Variants in PDK1 observed in about 807,000 individuals in gnomAD.
The protein encoded by PDK1 is pyruvate dehydrogenase kinase 1, also known as [Pyruvate dehydrogenase (acetyl-transferring)] kinase isozyme 1, mitochondrial.
A neutral mutation model predicts 54.2 loss-of-function variants in PDK1; 39 were observed. That is an observed-to-expected ratio of 0.72 (90% CI 0.56 to 0.94). The LOEUF is 0.94. PDK1 is among the 40% of genes least tolerant of loss of function. The pLI is 0.00. For synonymous variants in PDK1, 221 were observed against 207.1 expected (o/e 1.07, Z -0.58); for missense variants, 552 against 566.0 (o/e 0.98, Z 0.25).
chr2:172,633,362 G>A, the PDK1 span, among the ~76,000 whole-genome samples: 1 of 125,872 alleles, frequency 7.9e-6, no homozygotes, highest in Admixed American at 8.3e-5. Context: ...TTGATGTTTT[G>A]TATTTGTTGA....
At chr2:172,615,925 A>G in the PDK1 span, among the ~76,000 whole-genome samples, 1 of 152,316 alleles carries the variant, frequency 6.6e-6, no homozygotes, top group African/African-American at 2.4e-5. Context: ...ACATTTAGGG[A>G]GTGCCTACAA....
At chr2:172,628,746 G>A in the PDK1 span, among the ~76,000 whole-genome samples, 1 of 152,012 alleles carries the variant, frequency 6.6e-6, no homozygotes, top group Non-Finnish European at 1.5e-5. Flanking sequence ...CTGTAACAGA[G>A]TATTCCATAG....
chr2:172,675,461 C>T, the PDK1 span, among the ~76,000 whole-genome samples: 2 of 152,276 alleles, frequency 1.3e-5, no homozygotes, highest in South Asian at 4.1e-4. Context: ...GTGAAGCATC[C>T]TTATTGCTGA....
chr2:172,712,236 C>T, the PDK1 span, among the ~76,000 whole-genome samples: 1 of 152,192 alleles, frequency 6.6e-6, no homozygotes, highest in African/African-American at 2.4e-5. Context: ...TTCTAACCTG[C>T]AATAGTTCAC....
chr2:172,577,608 T>C (rs1689648667), intron 8 of PDK1, among the ~76,000 whole-genome samples: 1 of 152,178 alleles, frequency 6.6e-6, no homozygotes, highest in African/African-American at 2.4e-5. Flanking sequence ...TTTGAGTTTT[T>C]TAAGTAATTA....
the PDK1 span, among the ~76,000 whole-genome samples, chr2:172,626,228 A>G: frequency 0.012 from 1,753 of 152,290 alleles, 13 homozygotes; most frequent in Non-Finnish European, 0.018. Flanking sequence ...AAATGTAAGT[A>G]GTTAAAAGTT....
chr2:172,613,716 A>ATTTT, the PDK1 span, among the ~76,000 whole-genome samples: 29 of 152,154 alleles, frequency 1.9e-4, no homozygotes, highest in African/African-American at 7.0e-4. Flanking sequence ...ACCCACTTAA[A>ATTTT]AATGTGTAAT....
chr2:172,645,260 C>CATTT, the PDK1 span, among the ~76,000 whole-genome samples: 1 of 51,128 alleles, frequency 2.0e-5, no homozygotes, highest in Admixed American at 3.8e-4. Context: ...ACAAAATAGG[C>CATTT]TTTTTTTTTT....
chr2:172,670,020 GT>G, the PDK1 span, among the ~76,000 whole-genome samples: 7 of 151,268 alleles, frequency 4.6e-5, no homozygotes, highest in African/African-American at 1.5e-4. Flanking sequence ...CATTTGTTGA[GT>G]TTTTTTTTAT....
chr2:172,571,149 A>G (rs551033885), intron 8 of PDK1, among the ~76,000 whole-genome samples: 25 of 152,272 alleles, frequency 1.6e-4, no homozygotes, highest in African/African-American at 5.8e-4. Flanking sequence ...AGTATTTTAT[A>G]TATAATTTAA....
intron 8 of PDK1, among the ~76,000 whole-genome samples, chr2:172,584,395 G>GT (rs893799800): frequency 4.0e-5 from 6 of 149,632 alleles, no homozygotes; most frequent in African/African-American, 7.4e-5. Flanking sequence ...TTGTTGGTTG[G>GT]TTTTTTTTGC....
the PDK1 span, among the ~76,000 whole-genome samples, chr2:172,630,983 T>C: frequency 6.6e-6 from 1 of 152,218 alleles, no homozygotes; most frequent in Non-Finnish European, 1.5e-5. Flanking sequence ...ACTCAAAAAA[T>C]ATTCTTCTAC....
chr2:172,638,311 G>A, the PDK1 span, among the ~76,000 whole-genome samples: 952 of 152,238 alleles, frequency 6.3e-3, 14 homozygotes, highest in African/African-American at 0.021. Context: ...AACAAGTGAA[G>A]AAAACAAATT....
the PDK1 span, among the ~76,000 whole-genome samples, chr2:172,644,876 T>G: frequency 6.6e-6 from 1 of 150,754 alleles, no homozygotes; most frequent in Admixed American, 6.6e-5. Context: ...AATCCTAACT[T>G]TGCTGTTTGC....
chr2:172,655,196 C>T, the PDK1 span, among the ~76,000 whole-genome samples: 2 of 152,218 alleles, frequency 1.3e-5, no homozygotes, highest in African/African-American at 2.4e-5. Context: ...GCCCTTCTCC[C>T]ATTTTGTGGT....
chr2:172,692,947 G>C, the PDK1 span, among the ~76,000 whole-genome samples: 5 of 152,216 alleles, frequency 3.3e-5, no homozygotes, highest in Non-Finnish European at 7.3e-5. Flanking sequence ...TGCAGTTACA[G>C]CTTCACAGAA....
At chr2:172,695,241 A>G in the PDK1 span, among the ~76,000 whole-genome samples, 3 of 152,210 alleles carry the variant, frequency 2.0e-5, no homozygotes, top group Non-Finnish European at 4.4e-5. Context: ...TATTTTGCTT[A>G]AAGTCACAGT....
At position 172,586,388 on chromosome 2, in the gene PDK1, G is replaced by A. The variant is rs2149276160; in HGVS notation, c.1056G>A (p.Leu352=). 2 of 1,554,898 alleles carry A rather than the reference G, an allele frequency of 1.3e-6. No individual in the cohort carries two copies. The highest frequency in any genetic ancestry group is 1.8e-6 in the Non-Finnish European group (2 of 1,126,502). The change falls in exon 9 of 11, where the codon CTG becomes CTA. Residue 352 remains leucine, a splice_region_variant and synonymous_variant. Transcript: ENST00000282077. ...TTGAGACCTCCCGCGCAGTGCCTCT[G>A]GTATGTTATCAAGAAATAATGAAGT... ...PRVETSRAVP[L]AGFGYGLPIS... is the part of the protein sequence containing the mutation.
the PDK1 span, among the ~76,000 whole-genome samples, chr2:172,668,872 TAC>T: frequency 4.8e-4 from 54 of 111,612 alleles, no homozygotes; most frequent in African/African-American, 1.5e-3. Flanking sequence ...TGTATGTATG[TAC>T]ACACACACAC....
Sources: allele counts gnomAD v4.1 joint callset (sites outside exome capture counted in the v4.1 genomes callset), GRCh38; gene constraint gnomAD v4.1.1; transcripts MANE v1.5; gene names NCBI Gene and HGNC (gene_info 2026-07-23, HGNC 2026-07-21).